STXBP5: variants seen among roughly 807,000 people sequenced by gnomAD.
STXBP5 encodes the protein syntaxin binding protein 5, also known as syntaxin-binding protein 5.
Under a neutral mutation model 152.4 loss-of-function variants are expected in STXBP5, and 50 were observed. That is an observed-to-expected ratio of 0.33 (90% CI 0.26 to 0.42). The LOEUF (loss-of-function observed/expected upper bound fraction) is 0.42, where lower values mean the gene tolerates loss of function less well. Among genes scored for constraint, STXBP5 ranks in the 10% least tolerant of loss-of-function variants. The probability of loss-of-function intolerance (pLI) is 1.00; values close to 1 mark genes in which losing one functional copy is unlikely to be tolerated. For missense variants in STXBP5, 1,167 were observed against 1,388.6 expected (o/e 0.84, Z 2.54); for synonymous variants, 492 against 494.7 (o/e 0.99, Z 0.07).
chr6:147,338,900 T>C (rs1783963029), intron 19 of STXBP5, among the ~76,000 whole-genome samples: 1 of 151,808 alleles, frequency 6.6e-6, no homozygotes, highest in Admixed American at 6.6e-5. Flanking sequence ...TTTTTTAATA[T>C]ATTTTCTAAC....
Position 147,353,327 on chromosome 6 carries a change from G to A in STXBP5, c.2259G>A (p.Lys753=). ...AAAATGTCTTTTATTTTTCAGCAAA[G>A]ATGTCAAGGAAGTTAAGCTTACCTA... ...FSKMVANDIA[K]MSRKLSLPTD... Residue 753 remains lysine (K), a synonymous_variant, in exon 22 of 28, where the codon AAG becomes AAA. Coordinates refer to ENST00000321680, the MANE Select transcript of STXBP5 (RefSeq NM_001127715.4). 1.3e-6 allele frequency: 2 copies of A among 1,576,730 alleles called. No homozygotes were observed. The highest frequency in any genetic ancestry group is 1.7e-6 in the Non-Finnish European group (2 of 1,160,124).
chr6:147,264,862 A>G (rs1468459296), intron 6 of STXBP5, among the ~76,000 whole-genome samples: 12 of 152,114 alleles, frequency 7.9e-5, no homozygotes, highest in Admixed American at 7.9e-4. Context: ...CTGTTGTCAC[A>G]TATTTCTAAT....
chr6:147,321,220 G>A (rs1290277686), intron 16 of STXBP5, among the ~76,000 whole-genome samples: 2 of 151,960 alleles, frequency 1.3e-5, no homozygotes, highest in East Asian at 3.9e-4. Flanking sequence ...CAGTCCTAGA[G>A]GCCAGTTTCT....
At chr6:147,320,071 G>C (rs145262643) in intron 16 of STXBP5, among the ~76,000 whole-genome samples, 1 of 151,978 alleles carries the variant, frequency 6.6e-6, no homozygotes, top group Non-Finnish European at 1.5e-5. Context: ...CAAACTTGGA[G>C]GCAATCTGCC....
At chr6:147,359,564 C>T (rs573047589) in intron 23 of STXBP5, among the ~76,000 whole-genome samples, 1 of 151,234 alleles carries the variant, frequency 6.6e-6, no homozygotes, top group South Asian at 2.1e-4. Context: ...CACCCACTAA[C>T]TCGTCATCTA....
At position 147,291,154 on chromosome 6, in the gene STXBP5, T is replaced by C. The variant is rs1361195898; in HGVS notation, c.899T>C (p.Phe300Ser). 6.2e-7 allele frequency: 1 copy of C among 1,612,524 alleles called. No homozygotes were observed. Among genetic ancestry groups the C allele is most frequent in the African/African-American group, 1.3e-5 (1 of 74,886 alleles). Residue 300 changes from phenylalanine to serine, a missense_variant, in exon 9 of 28, where the codon TTC becomes TCC. Phe to Ser is a radical substitution (Grantham distance 155). Coordinates refer to ENST00000321680, the MANE Select transcript of STXBP5 (RefSeq NM_001127715.4). Reference sequence around the variant, plus strand: ...TGCAAACCTATCCTCAAGGTGGAATTCAAAACGACTAGATCTGGGTAAGAT... The same window carrying C: ...TGCAAACCTATCCTCAAGGTGGAATCCAAAACGACTAGATCTGGGTAAGAT... ...EPCKPILKVE[F>S]KTTRSGEPFI... is the part of the protein sequence containing the mutation.
At chr6:147,304,936 G>A (rs1364274566) in intron 9 of STXBP5, among the ~76,000 whole-genome samples, 5 of 152,084 alleles carry the variant, frequency 3.3e-5, no homozygotes, top group African/African-American at 4.8e-5. Context: ...CTAGAGTTAC[G>A]TGGTTTCAGA....
At chr6:147,217,750 T>C (rs1320701345) in intron 2 of STXBP5, among the ~76,000 whole-genome samples, 2 of 152,212 alleles carry the variant, frequency 1.3e-5, no homozygotes, top group African/African-American at 4.8e-5. Flanking sequence ...TTTTGGTGCT[T>C]GTTTTATTCA....
At chr6:147,298,612 A>T (rs1210519293) in intron 9 of STXBP5, among the ~76,000 whole-genome samples, 1 of 152,088 alleles carries the variant, frequency 6.6e-6, no homozygotes, top group Non-Finnish European at 1.5e-5. Context: ...ATGTGAGAAG[A>T]TAGAGATCAT....
Position 147,324,970 on chromosome 6 carries a change from C to T in STXBP5, c.1814C>T (p.Ser605Leu), listed in dbSNP as rs974699665. Residue 605 changes from serine (S) to leucine (L), a missense_variant, in exon 17 of 28, where the codon TCA becomes TTA. Ser to Leu is a moderately radical substitution (Grantham distance 145, BLOSUM62 -2). Coordinates refer to ENST00000321680, the MANE Select transcript of STXBP5 (RefSeq NM_001127715.4). ...TTCTTTTATTTTAGAGTTAAAAACTCACCACTTAAACAGTCTCCAGGTTAT... is the reference window on the plus strand; with the variant it reads ...TTCTTTTATTTTAGAGTTAAAAACTTACCACTTAAACAGTCTCCAGGTTAT... ...DNVPCLKVKN[S>L]PLKQSPGYQT... is the part of the protein sequence containing the mutation. 2.0e-6 allele frequency: 3 copies of T among 1,536,462 alleles called. No individual in the cohort carries two copies. Among genetic ancestry groups the T allele is most frequent in the Non-Finnish European group, 2.6e-6 (3 of 1,136,092 alleles).
intron 2 of STXBP5, among the ~76,000 whole-genome samples, chr6:147,216,303 A>G (rs934040866): frequency 1.8e-4 from 28 of 152,218 alleles, no homozygotes; most frequent in Middle Eastern, 3.4e-3. Flanking sequence ...GTGGCAGGAG[A>G]ATCACTTGAA....
intron 25 of STXBP5, among the ~76,000 whole-genome samples, chr6:147,366,914 G>A (rs1785315539): frequency 6.6e-6 from 1 of 152,186 alleles, no homozygotes; most frequent in Admixed American, 6.5e-5. Flanking sequence ...TTAGCACCCA[G>A]TGAGGTAAAA....
intron 4 of STXBP5, among the ~76,000 whole-genome samples, chr6:147,257,962 T>C (rs1712916088): frequency 6.6e-6 from 1 of 152,194 alleles, no homozygotes; most frequent in African/African-American, 2.4e-5. Flanking sequence ...ATGATCTAGC[T>C]TGCCTTACTC....
At chr6:147,344,776 G>T (rs757116657) in intron 21 of STXBP5, among the ~76,000 whole-genome samples, 1 of 144,068 alleles carries the variant, frequency 6.9e-6, no homozygotes, top group African/African-American at 2.6e-5. Flanking sequence ...TATGAATTTT[G>T]CAAGGATACA....
At chr6:147,236,165 AAAGAT>A (rs1351577354) in intron 3 of STXBP5, among the ~76,000 whole-genome samples, 1 of 152,220 alleles carries the variant, frequency 6.6e-6, no homozygotes, top group Non-Finnish European at 1.5e-5. Context: ...ATGGGTGTAA[AAAGAT>A]AATTATGACA....
At chr6:147,281,118 G>A (rs978358687) in intron 8 of STXBP5, among the ~76,000 whole-genome samples, 35 of 152,104 alleles carry the variant, frequency 2.3e-4, no homozygotes, top group African/African-American at 4.3e-4. Context: ...GTACAATGGC[G>A]CGATGTTGGC....
intron 2 of STXBP5, among the ~76,000 whole-genome samples, chr6:147,219,276 G>T (rs1192254832): frequency 2.0e-5 from 3 of 152,050 alleles, no homozygotes; most frequent in Non-Finnish European, 2.9e-5. Context: ...AATCCCATTT[G>T]GTCATGCTGT....
chr6:147,329,177 G>C (rs367566536), intron 18 of STXBP5, among the ~76,000 whole-genome samples: 2 of 150,800 alleles, frequency 1.3e-5, no homozygotes, highest in East Asian at 3.9e-4. Flanking sequence ...TCTAAGGATA[G>C]AGACTGATTT....
In STXBP5 at chr6:147,370,468, A is replaced by G. The variant is rs945723330; in HGVS notation, c.3082-3263A>G. Among the ~76,000 whole-genome samples the G allele has an allele frequency of 2.6e-5, 4 of 152,104 alleles. No homozygotes were observed. In the South Asian group the frequency reaches 6.2e-4, roughly 24 times the overall value. On this transcript the variant is annotated intron_variant, in intron 25 of 27. Coordinates refer to ENST00000321680, the MANE Select transcript of STXBP5 (RefSeq NM_001127715.4). ...GACTTTTAATTGTCATTGACAGGCAATTAGTCAATGGTATGTTTATAGATT... is the reference window on the plus strand; with the variant it reads ...GACTTTTAATTGTCATTGACAGGCAGTTAGTCAATGGTATGTTTATAGATT...
Sources: gnomAD v4.1 joint callset for allele counts (sites outside exome capture counted in the v4.1 genomes callset) on GRCh38, gnomAD v4.1.1 for gene constraint, MANE v1.5 for transcripts, NCBI Gene and HGNC (gene_info 2026-07-23, HGNC 2026-07-21) for gene names.